TXNRD1: variants seen among roughly 807,000 people sequenced by gnomAD.
The protein encoded by TXNRD1 is thioredoxin reductase 1.
TXNRD1 carries 57 observed loss-of-function variants against 80.3 expected under a neutral mutation model. That is an observed-to-expected ratio of 0.71 (90% CI 0.57 to 0.89). The LOEUF is 0.89. Ranked by LOEUF, TXNRD1 falls within the 40% of genes least tolerant of loss-of-function variation. The probability of loss-of-function intolerance (pLI) is 0.00; values close to 1 mark genes in which losing one functional copy is unlikely to be tolerated. For missense variants in TXNRD1, 730 were observed against 803.0 expected (o/e 0.91, Z 1.10); for synonymous variants, 291 against 285.2 (o/e 1.02, Z -0.20).
chr12:104,246,119 C>A (rs1255591605), intron 1 of TXNRD1, among the ~76,000 whole-genome samples: 345 of 82,760 alleles, frequency 4.2e-3, no homozygotes, highest in Admixed American at 7.8e-3. Flanking sequence ...GACTCTGTCT[C>A]AAAAAAAAAA....
intron 10 of TXNRD1, among the ~76,000 whole-genome samples, chr12:104,321,713 TATG>T (rs1156611912): frequency 1.3e-5 from 2 of 152,206 alleles, no homozygotes; most frequent in Non-Finnish European, 2.9e-5. Flanking sequence ...CCCCTTGGTA[TATG>T]ATAACATAAA....
rs1043923130 is a variant in TXNRD1, at chr12:104,349,436, T to C, written c.*1015T>C. On this transcript the variant is annotated 3_prime_UTR_variant, in exon 17 of 17. Coordinates refer to ENST00000525566, the MANE Select transcript of TXNRD1 (RefSeq NM_001093771.3). Reference sequence around the variant, plus strand: ...TTATGATTTAGCTGTTTTGTGGTAATTGCTTTTTAAAGGAAGTTATTAATA... The same window carrying C: ...TTATGATTTAGCTGTTTTGTGGTAACTGCTTTTTAAAGGAAGTTATTAATA... 3.3e-5 allele frequency: 5 copies of C among 152,706 alleles called. No homozygotes were observed. Among genetic ancestry groups the C allele is most frequent in the Non-Finnish European group, 1.5e-5 (1 of 68,054 alleles). 9.5% of individuals were successfully genotyped at this position (152,706 alleles called of 1,614,324 possible).
intron 3 of TXNRD1, among the ~76,000 whole-genome samples, chr12:104,283,927 G>A (rs1241173723): frequency 6.6e-6 from 1 of 152,140 alleles, no homozygotes; most frequent in Non-Finnish European, 1.5e-5. Context: ...ACTGTGGCCT[G>A]ATAATGGGTC....
chr12:104,324,552 A>G (rs1167801298), intron 10 of TXNRD1, among the ~76,000 whole-genome samples: 2 of 151,844 alleles, frequency 1.3e-5, no homozygotes, highest in African/African-American at 4.8e-5. Flanking sequence ...GGGTTTCACT[A>G]TGTTGGTCAG....
Position 104,288,967 on chromosome 12 carries a change from T to C in TXNRD1, c.341T>C (p.Leu114Ser). Residue 114 changes from leucine (L) to serine (S), a missense_variant, in exon 4 of 17, where the codon TTG becomes TCG. Physicochemically the swap from Leu to Ser is moderately radical, Grantham distance 145 (BLOSUM62 -2). Coordinates refer to ENST00000525566, the MANE Select transcript of TXNRD1 (RefSeq NM_001093771.3). ...GRALEGTLSE[L>S]AAETDLPVVF... ...GCCCTGGAAGGAACGCTCTCGGAAT[T>C]GGCCGCGGAAACCGATCTGCCCGTT... The C allele has an allele frequency of 1.2e-6, 2 of 1,613,998 alleles. No homozygotes were observed. Among genetic ancestry groups the C allele is most frequent in the Non-Finnish European group, 1.7e-6 (2 of 1,179,882 alleles).
intron 3 of TXNRD1, among the ~76,000 whole-genome samples, chr12:104,268,190 TTTTA>T (rs1565870600): frequency 1.4e-5 from 1 of 71,766 alleles, no homozygotes; most frequent in South Asian, 5.6e-4. Context: ...TCTTTCTTTC[TTTTA>T]TTTTTTATTT....
At chr12:104,301,661 G>T in intron 4 of TXNRD1, among the ~76,000 whole-genome samples, 1 of 152,156 alleles carries the variant, frequency 6.6e-6, no homozygotes, top group East Asian at 1.9e-4. Flanking sequence ...TAAAGTGGAT[G>T]TGAGAAGCTC....
chr12:104,232,043 A>G (rs1248177402), intron 1 of TXNRD1, among the ~76,000 whole-genome samples: 1 of 152,248 alleles, frequency 6.6e-6, no homozygotes, highest in East Asian at 1.9e-4. Context: ...AATAAACTTT[A>G]GTCTTATACT....
At chr12:104,341,451 G>A (rs945564513) in intron 16 of TXNRD1, among the ~76,000 whole-genome samples, 1 of 152,212 alleles carries the variant, frequency 6.6e-6, no homozygotes, top group East Asian at 1.9e-4. Context: ...GCTAGGTGAT[G>A]TGCCAGTTAA....
At chr12:104,286,883 G>C (rs10735393) in intron 3 of TXNRD1, 1 of 1,105,404 alleles carries the variant, frequency 9.0e-7, no homozygotes, top group Non-Finnish European at 1.1e-6. Context: ...CTCAGCTTAC[G>C]AGGCAATTAG....
chr12:104,346,042 G>T, intron 16 of TXNRD1: 2 of 1,262,348 alleles, frequency 1.6e-6, no homozygotes, highest in Non-Finnish European at 2.1e-6. Context: ...TTTGAGATAG[G>T]GTTCCTGTCA....
intron 2 of TXNRD1, among the ~76,000 whole-genome samples, chr12:104,254,607 C>G (rs1482744036): frequency 9.4e-6 from 1 of 106,274 alleles, no homozygotes; most frequent in African/African-American, 4.2e-5. Flanking sequence ...GTCTGGGCAG[C>G]ATAACAAGAC....
At chr12:104,225,763 T>C (rs1248670343) in intron 1 of TXNRD1, among the ~76,000 whole-genome samples, 2 of 151,612 alleles carry the variant, frequency 1.3e-5, no homozygotes, top group East Asian at 3.9e-4. Flanking sequence ...TATGTCCTTA[T>C]AGCAGCGTGA....
At chr12:104,263,756 C>T (rs1565868072) in intron 3 of TXNRD1, among the ~76,000 whole-genome samples, 1 of 152,142 alleles carries the variant, frequency 6.6e-6, no homozygotes, top group African/African-American at 2.4e-5. Context: ...CTTAGGGGTT[C>T]TGATGTGTAT....
At chr12:104,235,668 G>GC (rs2032724048) in intron 1 of TXNRD1, among the ~76,000 whole-genome samples, 1 of 152,302 alleles carries the variant, frequency 6.6e-6, no homozygotes, top group East Asian at 1.9e-4. Context: ...AATCTGGTGT[G>GC]CTTTGCATGT....
intron 3 of TXNRD1, among the ~76,000 whole-genome samples, chr12:104,276,312 G>A (rs190479359): frequency 2.0e-5 from 3 of 152,208 alleles, no homozygotes; most frequent in African/African-American, 7.2e-5. Context: ...GCAGTGACAT[G>A]TAAGTATAGA....
At chr12:104,287,008 A>C (rs1194570997) in intron 3 of TXNRD1, 1 of 1,336,400 alleles carries the variant, frequency 7.5e-7, no homozygotes, top group Non-Finnish European at 9.6e-7. Flanking sequence ...AGGAAACAGC[A>C]ACCCTTTCAC....
chr12:104,220,434 G>A (rs1462388785), intron 1 of TXNRD1, among the ~76,000 whole-genome samples: 1 of 152,056 alleles, frequency 6.6e-6, no homozygotes, highest in Non-Finnish European at 1.5e-5. Flanking sequence ...TTTAAAAAGT[G>A]TATTTTAGGC....
chr12:104,341,133 C>T (rs914266414), intron 16 of TXNRD1, among the ~76,000 whole-genome samples: 27 of 152,110 alleles, frequency 1.8e-4, no homozygotes, highest in Non-Finnish European at 3.8e-4. Context: ...CAGGACGTCT[C>T]CTGAAGCCCA....
Sources: allele counts gnomAD v4.1 joint callset (sites outside exome capture counted in the v4.1 genomes callset), GRCh38; gene constraint gnomAD v4.1.1; transcripts MANE v1.5; gene names NCBI Gene and HGNC (gene_info 2026-07-23, HGNC 2026-07-21).